The following MAFF variants were observed in gnomAD, a reference collection of about 807,000 sequenced individuals.
MAFF encodes the protein MAF bZIP transcription factor F.
In MAFF, 4 loss-of-function variants were observed where a neutral mutation model predicts 2.7. The ratio of observed to expected loss-of-function variants is 1.48; its 90% CI spans 0.73 to 3.39. MAFF has a LOEUF of 3.39. Ranked by LOEUF, MAFF falls within the 30% of genes most tolerant of loss-of-function variation. The pLI, the probability that MAFF is intolerant of heterozygous loss-of-function variation, is 0.01. For missense variants in MAFF, 190 were observed against 246.6 expected, an observed-to-expected ratio of 0.77 and a Z score of 1.54; for synonymous variants, 113 against 119.4, an observed-to-expected ratio of 0.95 and a Z score of 0.35.
At chr22:38,207,870 T>C (rs1203219863) in intron 1 of MAFF, among the ~76,000 whole-genome samples, 1 of 152,168 alleles carries the variant, frequency 6.6e-6, no homozygotes, top group Non-Finnish European at 1.5e-5. Context: ...TGGACTACTC[T>C]ATTGTCCTCT....
chr22:38,216,391 A>G lies in MAFF; in HGVS notation c.*1513A>G, dbSNP rs1319529823. ...TCCTGTCTCAAAAAAAAAGTTAAAA[A>G]ATATTGCCCGGCTCCTAGAATTTAT... On this transcript the variant is annotated 3_prime_UTR_variant, in exon 3 of 3. Transcript: ENST00000338483. 6.0e-6 allele frequency: 1 copy of G among 166,860 alleles called. No homozygotes were observed. The highest frequency in any genetic ancestry group is 2.4e-5 in the African/African-American group (1 of 41,434). 10.3% of individuals were successfully genotyped at this position (166,860 alleles called of 1,614,324 possible).
intron 1 of MAFF, among the ~76,000 whole-genome samples, chr22:38,212,234 G>C (rs2064104): frequency 0.88 from 133,989 of 152,262 alleles, 59,069 homozygotes; most frequent in African/African-American, 0.93. Context: ...CTCCTGAACT[G>C]AGGTGATCTG....
In MAFF at chr22:38,202,679, G is replaced by C. The variant is rs2091022988; in HGVS notation, c.-32+467G>C. ...GTGCGTGCGTGCGCTGTGTACCTCG[G>C]GGGCGTGTGTGCGTGTGTTGTGCTT... On this transcript the variant is annotated intron_variant, in intron 1 of 2. Coordinates refer to ENST00000338483, the MANE Select transcript of MAFF (RefSeq NM_012323.4). The surrounding 1 kb of genome is among the most constrained non-coding windows in gnomAD (Gnocchi z 7.4). 2 of 153,560 alleles carry C rather than the reference G, an allele frequency of 1.3e-5. No individual in the cohort carries two copies. The highest frequency in any genetic ancestry group is 4.1e-4 in the South Asian group (2 of 4,872). The allele number at this position is 153,560 out of a possible 1,614,324, so 9.5% of individuals were successfully genotyped here. A position where few individuals can be genotyped will look rare whatever the true frequency, so the allele number is the denominator to read the frequency against.
chr22:38,205,967 G>A (rs992000815), intron 1 of MAFF, among the ~76,000 whole-genome samples: 1 of 152,206 alleles, frequency 6.6e-6, no homozygotes, highest in African/African-American at 2.4e-5. Flanking sequence ...CTGGGCAAAC[G>A]TGGGTGCCTC....
Position 38,214,735 on chromosome 22 carries a change from G to A in MAFF, c.352G>A (p.Ala118Thr). 7.0e-7 allele frequency: 1 copy of A among 1,435,896 alleles called. No homozygotes were observed. The highest frequency in any genetic ancestry group is 3.0e-5 in the East Asian group (1 of 33,764). The allele number at this position is 1,435,896 out of a possible 1,614,324, so 88.9% of individuals were successfully genotyped here. The change falls in exon 3 of 3, where the codon GCG becomes ACG. Residue 118 changes from alanine (A) to threonine (T), a missense_variant. Around this residue, in one of 2 missense-constraint regions of MAFF, gnomAD observed 103 missense variants for 103.0 expected, o/e 1.00. Transcript: ENST00000338483. The surrounding 1 kb of genome is among the most constrained non-coding windows in gnomAD (Gnocchi z 6.3). Reference sequence around the variant, plus strand: ...CAAGTGCGAGGCGCTGCAGGGCTTCGCGCGCTCCGTGGCCGCCGCCCGCGG... The same window carrying A: ...CAAGTGCGAGGCGCTGCAGGGCTTCACGCGCTCCGTGGCCGCCGCCCGCGG... ...RGKCEALQGF[A>T]RSVAAARGPA...
rs2091139483 is a variant in MAFF at position 38,215,249 on chromosome 22, C to A, written c.*371C>A. On this transcript the variant is annotated 3_prime_UTR_variant, in exon 3 of 3. Transcript: ENST00000338483. ...TGTGCCAATATGCCCTCCAAACCCT[C>A]CCAGGATTCAAAGCTAGGTTTGGCT... 2 of 206,812 alleles carry A rather than the reference C, an allele frequency of 9.7e-6. No homozygotes were observed. The highest frequency in any genetic ancestry group is 2.2e-4 in the South Asian group (2 of 9,098). The allele number at this position is 206,812 out of a possible 1,614,324, so 12.8% of individuals were successfully genotyped here.
chr22:38,206,411 A>G (rs1602331609), intron 1 of MAFF, among the ~76,000 whole-genome samples: 1 of 141,130 alleles, frequency 7.1e-6, no homozygotes, highest in Admixed American at 7.6e-5. Context: ...GCTTGTTCTC[A>G]GCTCACTGAA....
chr22:38,209,104 C>T lies in MAFF; in HGVS notation c.-31-4719C>T, dbSNP rs113056295. On this transcript the variant is annotated intron_variant, in intron 1 of 2. Transcript: ENST00000338483. ...TTTTTGAGATGGAGTATCACTCTGT[C>T]GCCCAGGCTGGAGTGCAGTGTCGCG... is the stretch of plus-strand genomic sequence containing the variant. Among the ~76,000 whole-genome samples, 663 of 151,762 alleles carry T rather than the reference C, an allele frequency of 4.4e-3. 4 individuals are homozygous for T. Among genetic ancestry groups the T allele is most frequent in the African/African-American group, 0.015 (633 of 41,332 alleles).
intron 1 of MAFF, among the ~76,000 whole-genome samples, chr22:38,209,842 A>G (rs1308482753): frequency 6.6e-6 from 1 of 151,582 alleles, no homozygotes; most frequent in Admixed American, 6.6e-5. Context: ...AAAAGGGAAA[A>G]AAAAAAGGCC....
chr22:38,212,299 C>A (rs1165653235), intron 1 of MAFF, among the ~76,000 whole-genome samples: 1 of 152,228 alleles, frequency 6.6e-6, no homozygotes, highest in Non-Finnish European at 1.5e-5. Context: ...CCGCGCCCAG[C>A]CTATCTTCCT....
intron 1 of MAFF, among the ~76,000 whole-genome samples, chr22:38,207,613 T>C (rs530424026): frequency 9.2e-4 from 139 of 151,564 alleles, no homozygotes; most frequent in Non-Finnish European, 1.7e-3. Flanking sequence ...CTAATTTTTT[T>C]TTTAAGAGGC....
In MAFF at chr22:38,215,095, C is replaced by T; in HGVS notation, c.*217C>T. 2.0e-6 allele frequency: 1 copy of T among 504,284 alleles called. No homozygotes were observed. The highest frequency in any genetic ancestry group is 3.6e-6 in the Non-Finnish European group (1 of 274,666). The allele number at this position is 504,284 out of a possible 1,614,324, so 31.2% of individuals were successfully genotyped here. ...GAACTTGGGTAGGTTGGGGATGGGG[C>T]AGAGGTCTGGATCTGGGATCGCCCT... On this transcript the variant is annotated 3_prime_UTR_variant, in exon 3 of 3. Transcript: ENST00000338483.
chr22:38,206,339 CCTTTTT>C (rs1265656887), intron 1 of MAFF, among the ~76,000 whole-genome samples: 2 of 109,132 alleles, frequency 1.8e-5, no homozygotes, highest in African/African-American at 7.4e-5. Context: ...GCCTATGCCT[CCTTTTT>C]TTTTTTTTTT....
chr22:38,210,623 A>AGAGTGTGTGTGTGT (rs149088492), intron 1 of MAFF, among the ~76,000 whole-genome samples: 19 of 132,918 alleles, frequency 1.4e-4, no homozygotes, highest in Non-Finnish European at 2.5e-4. Context: ...GGACACAGGG[A>AGAGTGTGTGTGTGT]GTGTGTGTGT....
chr22:38,210,482 A>G (rs554089361), intron 1 of MAFF, among the ~76,000 whole-genome samples: 2 of 152,242 alleles, frequency 1.3e-5, no homozygotes, highest in East Asian at 3.9e-4. Context: ...GCCGCGGTGA[A>G]TCAGGTATAA....
At chr22:38,212,483 G>C (rs2146021262) in intron 1 of MAFF, among the ~76,000 whole-genome samples, 2 of 152,308 alleles carry the variant, frequency 1.3e-5, no homozygotes, top group Middle Eastern at 6.8e-3. Flanking sequence ...CTCCAGCCCA[G>C]AGCAATGACC....
intron 1 of MAFF, among the ~76,000 whole-genome samples, chr22:38,208,360 A>G (rs770547846): frequency 3.9e-5 from 6 of 152,060 alleles, no homozygotes; most frequent in Non-Finnish European, 5.9e-5. Context: ...TTGACTCCCA[A>G]TCCAGTGCTC....
Position 38,214,846 on chromosome 22 carries a change from G to A in MAFF, c.463G>A (p.Asp155Asn), listed in dbSNP as rs375946855. 1.3e-4 allele frequency: 195 copies of A among 1,503,894 alleles called. 2 individuals are homozygous for A. In the East Asian group the frequency reaches 3.2e-3, roughly 25 times the overall value. The allele number at this position is 1,503,894 out of a possible 1,614,324, so 93.2% of individuals were successfully genotyped here. A position where few individuals can be genotyped will look rare whatever the true frequency, so the allele number is the denominator to read the frequency against. ...GGGGTCTGGCCCCGCCCACGGCCCG[G>A]ACCCCGCCCACGGCCCGGCCTCCTG... Reference protein sequence around the residue: ...GSGSGPAHGPDPAHGPASCS With the variant: ...GSGSGPAHGPNPAHGPASCS The change falls in exon 3 of 3, where the codon GAC becomes AAC. Residue 155 changes from aspartate to asparagine, a missense_variant. Around this residue, in one of 2 missense-constraint regions of MAFF, gnomAD observed 103 missense variants for 103.0 expected, o/e 1.00. Transcript: ENST00000338483. This position sits in a 1 kb window ranked among gnomAD's most constrained non-coding sequence, Gnocchi z 6.3.
intron 1 of MAFF, among the ~76,000 whole-genome samples, chr22:38,208,807 T>C (rs1311516422): frequency 6.6e-6 from 1 of 151,604 alleles, no homozygotes; most frequent in South Asian, 2.1e-4. Context: ...GAAGGATGAG[T>C]AGGAGTCTGC....
Sources: allele counts gnomAD v4.1 joint callset (sites outside exome capture counted in the v4.1 genomes callset), GRCh38; gene constraint gnomAD v4.1.1; regional missense constraint gnomAD v4.1.1; non-coding constraint Gnocchi (gnomAD v3.1); transcripts MANE v1.5; gene names NCBI Gene and HGNC (gene_info 2026-07-23, HGNC 2026-07-21).